Variants in GRID1 observed in about 807,000 individuals in gnomAD.
The protein encoded by GRID1 is glutamate receptor ionotropic, delta-1.
A neutral mutation model predicts 98.0 loss-of-function variants in GRID1; 28 were observed. The observed-to-expected ratio is 0.29, with a 90% CI of 0.21 to 0.39. GRID1 has a LOEUF of 0.39. Among genes scored for constraint, GRID1 ranks in the 10% least tolerant of loss-of-function variants. The pLI is 1.00. For synonymous variants in GRID1, 553 were observed against 538.5 expected (o/e 1.03, Z -0.37); for missense variants, 1,111 against 1,340.5 (o/e 0.83, Z 2.67).
chr10:85,844,420 T>TACACACACACAC (rs55706189), intron 8 of GRID1, among the ~76,000 whole-genome samples: 1 of 133,740 alleles, frequency 7.5e-6, no homozygotes, highest in Non-Finnish European at 1.6e-5. Flanking sequence ...TACAACTAAA[T>TACACACACACAC]ACACACACAC....
chr10:86,182,202 C>T (rs1031876818), intron 3 of GRID1, among the ~76,000 whole-genome samples: 4 of 152,206 alleles, frequency 2.6e-5, no homozygotes, highest in South Asian at 2.1e-4. Context: ...GGTGCTTCCC[C>T]GTAGCCTAAC....
chr10:85,642,523 G>A (rs1843134727), intron 13 of GRID1, among the ~76,000 whole-genome samples: 1 of 152,190 alleles, frequency 6.6e-6, no homozygotes, highest in African/African-American at 2.4e-5. Context: ...TCTTGTCTCC[G>A]ATTTATCTGC....
chr10:86,286,085 A>C (rs887296177), intron 2 of GRID1, among the ~76,000 whole-genome samples: 4 of 152,166 alleles, frequency 2.6e-5, no homozygotes, highest in African/African-American at 7.2e-5. Flanking sequence ...CGTTAGATGT[A>C]GGCTGTAGGT....
chr10:86,158,732 A>G (rs1420771056), intron 3 of GRID1, among the ~76,000 whole-genome samples: 2 of 152,176 alleles, frequency 1.3e-5, no homozygotes, highest in African/African-American at 4.8e-5. Context: ...GCACCCTGAG[A>G]CAGAGTCTGG....
chr10:86,046,759 T>C (rs910215128), intron 4 of GRID1, among the ~76,000 whole-genome samples: 16 of 150,922 alleles, frequency 1.1e-4, no homozygotes, highest in African/African-American at 3.9e-4. Flanking sequence ...TGGACAATTA[T>C]CCCTACAAAA....
chr10:85,733,159 T>C (rs774016619), intron 8 of GRID1, among the ~76,000 whole-genome samples: 7 of 152,194 alleles, frequency 4.6e-5, no homozygotes, highest in Non-Finnish European at 8.8e-5. Flanking sequence ...CAGCCCAATA[T>C]CCATGATTTA....
chr10:85,958,469 G>A (rs771324670), intron 4 of GRID1, among the ~76,000 whole-genome samples: 32 of 152,170 alleles, frequency 2.1e-4, no homozygotes, highest in Non-Finnish European at 4.1e-4. Context: ...GTGTCTGTGA[G>A]GGTGTTTCTG....
At chr10:86,051,308 C>CAAAA (rs374035221) in intron 4 of GRID1, among the ~76,000 whole-genome samples, 1 of 104,452 alleles carries the variant, frequency 9.6e-6, no homozygotes, top group Non-Finnish European at 2.1e-5. Flanking sequence ...AATTATATAC[C>CAAAA]AAAAAAAAAA....
intron 3 of GRID1, among the ~76,000 whole-genome samples, chr10:86,140,634 C>T (rs902710540): frequency 2.0e-5 from 3 of 152,166 alleles, no homozygotes; most frequent in African/African-American, 7.2e-5. Context: ...CACAGGGCCC[C>T]CCTTACCACT....
In GRID1 at chr10:85,869,140, G is replaced by A. The variant is rs750280648; in HGVS notation, c.821C>T (p.Ala274Val). 1.2e-6 allele frequency: 2 copies of A among 1,613,738 alleles called. No individual in the cohort carries two copies. Among genetic ancestry groups the A allele is most frequent in the African/African-American group, 1.3e-5 (1 of 74,900 alleles). The part of the protein sequence containing the change: ...DPEILDLVHS[A>V]LGRMTVVRQI... ...CCGGACCACGGTCATCCTTCCAAGG[G>A]CACTATGGACCAGATCCAGGATCTC... The change falls in exon 6 of 16, where the codon GCC becomes GTC. Residue 274 changes from alanine to valine, a missense_variant. Transcript: ENST00000327946.
At chr10:85,805,881 C>T (rs978595234) in intron 8 of GRID1, among the ~76,000 whole-genome samples, 1 of 148,834 alleles carries the variant, frequency 6.7e-6, no homozygotes, top group Non-Finnish European at 1.5e-5. Flanking sequence ...AAATTTTAGA[C>T]AAAAACATAG....
intron 2 of GRID1, among the ~76,000 whole-genome samples, chr10:86,300,523 AGGGAGGGGAGGGGAG>A (rs1210036724): frequency 4.1e-4 from 2 of 4,898 alleles, no homozygotes; most frequent in Non-Finnish European, 9.4e-4. Context: ...AGGGAGGGGA[AGGGAGGGGAGGGGAG>A]GGGAGGGGAG....
chr10:86,054,744 T>C (rs1211067665), intron 4 of GRID1, among the ~76,000 whole-genome samples: 2 of 152,198 alleles, frequency 1.3e-5, no homozygotes, highest in Admixed American at 6.5e-5. Context: ...AGCAAGGATA[T>C]GAGGTGGTGT....
intron 8 of GRID1, among the ~76,000 whole-genome samples, chr10:85,809,438 T>C (rs1212372051): frequency 6.6e-6 from 1 of 152,074 alleles, no homozygotes; most frequent in African/African-American, 2.4e-5. Context: ...CTAAACACAT[T>C]ATAAACATAC....
At chr10:85,686,629 T>C (rs1419994110) in intron 12 of GRID1, among the ~76,000 whole-genome samples, 1 of 152,146 alleles carries the variant, frequency 6.6e-6, no homozygotes, top group African/African-American at 2.4e-5. Flanking sequence ...ATACACATTC[T>C]GAAGATATTA....
chr10:85,934,350 G>C (rs1198898528), intron 4 of GRID1, among the ~76,000 whole-genome samples: 1 of 151,740 alleles, frequency 6.6e-6, no homozygotes, highest in Non-Finnish European at 1.5e-5. Flanking sequence ...GTTACTCTGA[G>C]TCCAGTGTGC....
At chr10:85,918,912 T>G (rs1841661093) in intron 4 of GRID1, among the ~76,000 whole-genome samples, 1 of 152,186 alleles carries the variant, frequency 6.6e-6, no homozygotes, top group African/African-American at 2.4e-5. Context: ...TCAGCAATGA[T>G]TCTCCAGTCC....
At chr10:85,980,153 A>G (rs993939267) in intron 4 of GRID1, among the ~76,000 whole-genome samples, 5 of 152,152 alleles carry the variant, frequency 3.3e-5, no homozygotes, top group Non-Finnish European at 7.3e-5. Flanking sequence ...ACCTGATAAC[A>G]ATGAATTTCT....
chr10:86,273,716 G>A (rs1397358983), intron 2 of GRID1, among the ~76,000 whole-genome samples: 1 of 152,224 alleles, frequency 6.6e-6, no homozygotes, highest in South Asian at 2.1e-4. Context: ...GTCTTCTTTT[G>A]AGAAGTGTCT....
Sources: gnomAD v4.1 joint callset for allele counts (sites outside exome capture counted in the v4.1 genomes callset) on GRCh38, gnomAD v4.1.1 for gene constraint, MANE v1.5 for transcripts, NCBI Gene and HGNC (gene_info 2026-07-23, HGNC 2026-07-21) for gene names.